Variants in FAM135A observed in about 807,000 individuals in gnomAD.
FAM135A encodes the protein family with sequence similarity 135 member A, also known as protein FAM135A.
FAM135A carries 79 observed loss-of-function variants against 146.8 expected under a neutral mutation model. The ratio of observed to expected loss-of-function variants is 0.54; its 90% CI spans 0.45 to 0.65. FAM135A has a LOEUF of 0.65. FAM135A is among the 30% of genes least tolerant of loss of function. The pLI, the probability that FAM135A is intolerant of heterozygous loss-of-function variation, is 0.00. For missense variants in FAM135A, 1,623 were observed against 1,758.2 expected (o/e 0.92, Z 1.38); for synonymous variants, 562 against 603.6 (o/e 0.93, Z 1.01).
chr6:70,443,690 C>T (rs954014707), intron 4 of FAM135A, among the ~76,000 whole-genome samples: 1 of 152,128 alleles, frequency 6.6e-6, no homozygotes, highest in Non-Finnish European at 1.5e-5. Context: ...AAAGTGAACT[C>T]TTTTTGCATA....
intron 18 of FAM135A, among the ~76,000 whole-genome samples, chr6:70,534,502 G>T (rs950122727): frequency 2.0e-5 from 3 of 151,336 alleles, no homozygotes; most frequent in Admixed American, 2.0e-4. Context: ...GTAGAGATGG[G>T]GGTTTCACCG....
At position 70,526,462 on chromosome 6, in the gene FAM135A, A is replaced by G; in HGVS notation, c.3378A>G (p.Arg1126=). ...GCAGAGATGAACTAATGGAAGAAAG[A>G]CTTACAAAATCTGAAAAAATAAACA... ...YTSRDELMEE[R]LTKSEKINSD... is the part of the protein sequence containing the mutation. The change falls in exon 15 of 22, where the codon AGA becomes AGG. Residue 1126 remains arginine, a synonymous_variant. Coordinates refer to ENST00000418814, the MANE Select transcript of FAM135A (RefSeq NM_001162529.3). 1 of 1,613,546 alleles carries G rather than the reference A, an allele frequency of 6.2e-7. No homozygotes were observed. Among genetic ancestry groups the G allele is most frequent in the Non-Finnish European group, 8.5e-7 (1 of 1,179,644 alleles).
chr6:70,557,203 C>T (rs1801015249), intron 21 of FAM135A: 1 of 393,996 alleles, frequency 2.5e-6, no homozygotes, highest in East Asian at 3.7e-5. Flanking sequence ...AAGGTGGCAG[C>T]AAGGATTTGC....
At chr6:70,498,766 T>G (rs1170249632) in intron 11 of FAM135A, among the ~76,000 whole-genome samples, 1 of 152,210 alleles carries the variant, frequency 6.6e-6, no homozygotes. Context: ...GTTGTTCAGT[T>G]TCCACGTAGT....
chr6:70,499,958 G>C (rs750555795), intron 11 of FAM135A, among the ~76,000 whole-genome samples: 53 of 152,054 alleles, frequency 3.5e-4, no homozygotes, highest in Non-Finnish European at 7.1e-4. Context: ...TGTGTTCTTG[G>C]GGTTGCTCTT....
intron 10 of FAM135A, among the ~76,000 whole-genome samples, chr6:70,489,599 G>A (rs887139944): frequency 2.0e-5 from 3 of 152,182 alleles, no homozygotes; most frequent in Non-Finnish European, 4.4e-5. Flanking sequence ...GAAAGATAAA[G>A]CAGAGCAAGC....
intron 4 of FAM135A, among the ~76,000 whole-genome samples, chr6:70,436,041 AG>A (rs1241406494): frequency 9.2e-5 from 14 of 152,164 alleles, no homozygotes; most frequent in African/African-American, 3.4e-4. Flanking sequence ...AAAATTAGCC[AG>A]GCATGGTGGT....
rs763081215 is a variant in FAM135A, at chr6:70,525,820, C to T, written c.2736C>T (p.Ser912=). 1 of 1,612,678 alleles carries T rather than the reference C, an allele frequency of 6.2e-7. No individual in the cohort carries two copies. The highest frequency in any genetic ancestry group is 1.1e-5 in the South Asian group (1 of 90,836). Residue 912 remains serine, a synonymous_variant, in exon 15 of 22, where the codon TCC becomes TCT. Coordinates refer to ENST00000418814, the MANE Select transcript of FAM135A (RefSeq NM_001162529.3). The part of the protein sequence containing the change: ...NLDNETVAIH[S]LNSSIKDPLQ... The stretch of plus-strand genomic sequence containing the variant: ...ACAATGAAACTGTAGCAATACATTC[C>T]TTAAATTCAAGCATTAAAGACCCTT...
chr6:70,551,918 GT>G (rs1290283049), intron 20 of FAM135A, among the ~76,000 whole-genome samples: 15 of 152,120 alleles, frequency 9.9e-5, no homozygotes, highest in African/African-American at 3.1e-4. Context: ...TTTGAATATT[GT>G]AAGAATTACC....
chr6:70,435,081 G>GTGTA (rs1491409552), intron 4 of FAM135A, among the ~76,000 whole-genome samples: 6 of 94,330 alleles, frequency 6.4e-5, no homozygotes, highest in Admixed American at 2.3e-4. Context: ...GTGTGTGTGT[G>GTGTA]TATATATATA....
chr6:70,474,994 G>A (rs1782344593), intron 5 of FAM135A, among the ~76,000 whole-genome samples: 1 of 152,144 alleles, frequency 6.6e-6, no homozygotes, highest in Admixed American at 6.5e-5. Flanking sequence ...CTACTTCTCA[G>A]AAACTGGAGA....
chr6:70,558,112 A>G (rs1801254552), intron 21 of FAM135A, among the ~76,000 whole-genome samples: 1 of 152,214 alleles, frequency 6.6e-6, no homozygotes, highest in East Asian at 1.9e-4. Flanking sequence ...TTCTTCCTGT[A>G]TTAACATATT....
chr6:70,426,087 G>A (rs567928074), intron 2 of FAM135A, among the ~76,000 whole-genome samples: 1 of 149,758 alleles, frequency 6.7e-6, no homozygotes, highest in East Asian at 2.0e-4. Flanking sequence ...TCTGGCCTGG[G>A]CGACAGAGCG....
At chr6:70,452,414 G>T in intron 4 of FAM135A, 78 bp from the exon 5 acceptor site, 2 of 1,011,148 alleles carry the variant, frequency 2.0e-6, no homozygotes, top group East Asian at 2.6e-5. Flanking sequence ...ATTTTAATAT[G>T]GATACAAATG....
chr6:70,553,526 A>G (rs764520242), intron 20 of FAM135A, among the ~76,000 whole-genome samples: 15 of 152,248 alleles, frequency 9.9e-5, no homozygotes, highest in Non-Finnish European at 1.6e-4. Context: ...CAATATTGAT[A>G]TTTTTTGAGG....
At chr6:70,481,434 A>T (rs1298139506) in intron 9 of FAM135A, among the ~76,000 whole-genome samples, 1 of 152,134 alleles carries the variant, frequency 6.6e-6, no homozygotes, top group Non-Finnish European at 1.5e-5. Flanking sequence ...GGATTGCTTG[A>T]GGCCAAGAGT....
rs761310505 is a variant in FAM135A at position 70,480,934 on chromosome 6, T to C, written c.576T>C (p.Asn192=). The change falls in exon 9 of 22, where the codon AAT becomes AAC. Residue 192 remains asparagine, a synonymous_variant. Transcript: ENST00000418814. ...GCCCTGTGAAGACAACTTGGTTAAA[T>C]AGAAATGCACCAGCACAAAACAAAG... ...FPRPVKTTWL[N]RNAPAQNKDS... 1.5e-5 allele frequency: 24 copies of C among 1,612,418 alleles called. No homozygotes were observed. The highest frequency in any genetic ancestry group is 1.5e-4 in the African/African-American group (11 of 74,954).
chr6:70,445,849 CG>C (rs562162051), intron 4 of FAM135A, among the ~76,000 whole-genome samples: 17 of 151,420 alleles, frequency 1.1e-4, no homozygotes, highest in Middle Eastern at 3.4e-3. Flanking sequence ...AGATTCGGGG[CG>C]GGGGGGGCTG....
Position 70,481,585 on chromosome 6 carries a change from A to G in FAM135A, c.670-416A>G, listed in dbSNP as rs376328288. ...AAGGTTGAGGCTGCAGTGAGCTGCA[A>G]TCATGTCACTTCACTCCAGCCTGGG... is the stretch of plus-strand genomic sequence containing the variant. On this transcript the variant is annotated intron_variant, in intron 9 of 21. Coordinates refer to ENST00000418814, the MANE Select transcript of FAM135A (RefSeq NM_001162529.3). Among the ~76,000 whole-genome samples the G allele has an allele frequency of 9.9e-5, 15 of 152,072 alleles. No individual in the cohort carries two copies. In the East Asian group the frequency reaches 1.4e-3, roughly 14 times the overall value.
Sources: gnomAD v4.1 joint callset for allele counts (sites outside exome capture counted in the v4.1 genomes callset) on GRCh38, gnomAD v4.1.1 for gene constraint, MANE v1.5 for transcripts, NCBI Gene and HGNC (gene_info 2026-07-23, HGNC 2026-07-21) for gene names.